Variants in AFF3 observed in about 807,000 individuals in gnomAD.
AFF3 encodes AF4/FMR2 family member 3.
Under a neutral mutation model 129.7 loss-of-function variants are expected in AFF3, and 32 were observed. The ratio of observed to expected loss-of-function variants is 0.25; its 90% CI spans 0.19 to 0.33. AFF3 has a LOEUF of 0.33. AFF3 is among the 10% of genes least tolerant of loss of function. AFF3 has a pLI of 1.00. For synonymous variants in AFF3, 644 were observed against 635.4 expected, an observed-to-expected ratio of 1.01 and a Z score of -0.20; for missense variants, 1,373 against 1,592.0, an observed-to-expected ratio of 0.86 and a Z score of 2.34.
intron 8 of AFF3, among the ~76,000 whole-genome samples, chr2:99,779,244 T>A: frequency 6.6e-6 from 1 of 152,232 alleles, no homozygotes; most frequent in East Asian, 1.9e-4. Context: ...TGGATGGTTG[T>A]TGGGATTTTG....
chr2:99,971,823 A>G (rs1678411710), intron 7 of AFF3, among the ~76,000 whole-genome samples: 1 of 152,378 alleles, frequency 6.6e-6, no homozygotes, highest in East Asian at 1.9e-4. Flanking sequence ...GCTTCAGCTC[A>G]GTATGACTGA....
intron 8 of AFF3, among the ~76,000 whole-genome samples, chr2:99,818,177 T>C (rs1489917330): frequency 6.6e-6 from 1 of 152,196 alleles, no homozygotes; most frequent in African/African-American, 2.4e-5. Context: ...AAAGGAAATG[T>C]TTATTGTAGC....
chr2:99,645,699 G>GT (rs1247846766), intron 13 of AFF3, among the ~76,000 whole-genome samples: 3 of 152,128 alleles, frequency 2.0e-5, no homozygotes, highest in Non-Finnish European at 4.4e-5. Context: ...AAGGGAAAAG[G>GT]TTTTTTGGGG....
At chr2:99,681,575 T>G (rs569277737) in intron 11 of AFF3, among the ~76,000 whole-genome samples, 102 of 152,254 alleles carry the variant, frequency 6.7e-4, no homozygotes, top group African/African-American at 2.4e-3. Flanking sequence ...TGGCAGAGCT[T>G]TCATGAATGG....
At chr2:100,088,964 G>A (rs1442987367) in intron 4 of AFF3, among the ~76,000 whole-genome samples, 2 of 151,130 alleles carry the variant, frequency 1.3e-5, no homozygotes. Context: ...ATGCTTCTTA[G>A]GTAATATAAA....
chr2:99,998,236 T>C (rs1338634868), intron 7 of AFF3, among the ~76,000 whole-genome samples: 2 of 152,164 alleles, frequency 1.3e-5, no homozygotes, highest in African/African-American at 4.8e-5. Flanking sequence ...CCCAGGGGCA[T>C]GACCAAAGCT....
intron 11 of AFF3, among the ~76,000 whole-genome samples, chr2:99,696,758 G>A (rs1171156835): frequency 3.9e-5 from 6 of 151,956 alleles, no homozygotes; most frequent in Admixed American, 2.6e-4. Context: ...CGATCCTCCC[G>A]CCATAGCCTA....
At position 100,107,577 on chromosome 2, in the gene AFF3, A is replaced by G. The variant is rs560872722; in HGVS notation, c.-144-1994T>C. On this transcript the variant is annotated intron_variant, in intron 2 of 24. Coordinates refer to ENST00000672756, the MANE Select transcript of AFF3 (RefSeq NM_001386135.1). ...TGACCTGAGGGTCTTTTCTCCCCAC[A>G]TGGATGCAAGCAACACCCCTGGGAG... The G allele has an allele frequency of 6.0e-5, 54 of 902,618 alleles. No individual in the cohort carries two copies. The African/African-American group carries it at 9.2e-4, about 15-fold the overall frequency. The allele number at this position is 902,618 out of a possible 1,614,324, so 55.9% of individuals were successfully genotyped here.
chr2:99,570,223 A>G (rs1444223310), intron 18 of AFF3, among the ~76,000 whole-genome samples: 2 of 152,028 alleles, frequency 1.3e-5, no homozygotes, highest in Non-Finnish European at 2.9e-5. Context: ...TCTCCATATG[A>G]ATGGCTTTGT....
intron 13 of AFF3, among the ~76,000 whole-genome samples, chr2:99,617,456 T>C (rs1176004840): frequency 1.3e-5 from 2 of 152,234 alleles, no homozygotes; most frequent in Non-Finnish European, 1.5e-5. Flanking sequence ...CATATTTTCT[T>C]TGGAGAATGT....
chr2:100,076,844 G>C (rs1398950100), intron 4 of AFF3, among the ~76,000 whole-genome samples: 1 of 152,204 alleles, frequency 6.6e-6, no homozygotes, highest in Non-Finnish European at 1.5e-5. Flanking sequence ...TCAACGTTAT[G>C]TATGTGCAGT....
chr2:100,046,046 C>T (rs1335184371), intron 4 of AFF3, among the ~76,000 whole-genome samples: 1 of 152,134 alleles, frequency 6.6e-6, no homozygotes, highest in East Asian at 1.9e-4. Flanking sequence ...GCACACACTC[C>T]TGAGTTCCAA....
chr2:99,854,402 C>T (rs1253375070), intron 7 of AFF3, among the ~76,000 whole-genome samples: 3 of 152,188 alleles, frequency 2.0e-5, no homozygotes, highest in Admixed American at 6.5e-5. Flanking sequence ...ATGATCTTAT[C>T]TCTTCACTGA....
At chr2:99,816,040 CTTT>C (rs75327322) in intron 8 of AFF3, among the ~76,000 whole-genome samples, 1 of 136,226 alleles carries the variant, frequency 7.3e-6, no homozygotes, top group Non-Finnish European at 1.6e-5. Context: ...ATGATCTGTT[CTTT>C]TTTTTTTTTT....
At chr2:99,697,040 AGG>A (rs1220852276) in intron 11 of AFF3, among the ~76,000 whole-genome samples, 1 of 152,186 alleles carries the variant, frequency 6.6e-6, no homozygotes, top group Non-Finnish European at 1.5e-5. Flanking sequence ...TAAGGGAGTG[AGG>A]CCCTTGTCAT....
chr2:100,105,977 T>G, intron 2 of AFF3: 1 of 1,326,344 alleles, frequency 7.5e-7, no homozygotes, highest in South Asian at 1.2e-5. Context: ...ATGTAAACCC[T>G]GGGTGCAAGT....
chr2:100,075,821 G>A (rs1356784843), intron 4 of AFF3, among the ~76,000 whole-genome samples: 1 of 152,126 alleles, frequency 6.6e-6, no homozygotes, highest in Non-Finnish European at 1.5e-5. Context: ...TTTCTCCATA[G>A]TTCCCACCCT....
At chr2:99,596,583 C>G (rs1303743795) in intron 14 of AFF3, among the ~76,000 whole-genome samples, 2 of 151,978 alleles carry the variant, frequency 1.3e-5, no homozygotes, top group African/African-American at 4.8e-5. Context: ...CACACACACA[C>G]GGCAGAACAC....
At chr2:99,947,637 TA>T (rs1675752659) in intron 7 of AFF3, among the ~76,000 whole-genome samples, 1 of 143,538 alleles carries the variant, frequency 7.0e-6, no homozygotes, top group Admixed American at 6.8e-5. Flanking sequence ...GATAGATAGA[TA>T]GATAGATAGA....
Sources: gnomAD v4.1 joint callset for allele counts (sites outside exome capture counted in the v4.1 genomes callset) on GRCh38, gnomAD v4.1.1 for gene constraint, MANE v1.5 for transcripts, NCBI Gene and HGNC (gene_info 2026-07-23, HGNC 2026-07-21) for gene names.